The following C8orf34 variants were observed in gnomAD, a reference collection of about 807,000 sequenced individuals.
C8orf34 encodes the protein chromosome 8 open reading frame 34.
A neutral mutation model predicts 68.3 loss-of-function variants in C8orf34; 65 were observed. That is an observed-to-expected ratio of 0.95 (90% CI 0.78 to 1.17). The LOEUF is 1.17. Ranked by LOEUF, C8orf34 falls within the 50% of genes most tolerant of loss-of-function variation. The pLI, the probability that C8orf34 is intolerant of heterozygous loss-of-function variation, is 0.00. For synonymous variants in C8orf34, 244 were observed against 241.2 expected (o/e 1.01, Z -0.11); for missense variants, 664 against 655.4 (o/e 1.01, Z -0.14).
intron 1 of C8orf34, among the ~76,000 whole-genome samples, chr8:68,419,840 A>T (rs1469189776): frequency 3.7e-5 from 2 of 54,338 alleles, no homozygotes; most frequent in East Asian, 1.2e-3. Flanking sequence ...GGGTGGGGGA[A>T]GGGGGGAGGG....
intron 10 of C8orf34, among the ~76,000 whole-genome samples, chr8:68,733,914 A>G (rs948081376): frequency 3.3e-5 from 5 of 152,298 alleles, no homozygotes; most frequent in South Asian, 2.1e-4. Flanking sequence ...CGATGTCACA[A>G]CTACAAAAAT....
intron 7 of C8orf34, among the ~76,000 whole-genome samples, chr8:68,622,927 G>C (rs112753609): frequency 6.6e-6 from 1 of 152,204 alleles, no homozygotes; most frequent in Non-Finnish European, 1.5e-5. Flanking sequence ...TATCATTTGT[G>C]ATGGGGTATC....
chr8:68,794,492 T>A (rs866860001), intron 12 of C8orf34, among the ~76,000 whole-genome samples: 2 of 90,868 alleles, frequency 2.2e-5, no homozygotes, highest in African/African-American at 1.4e-4. Context: ...AATATATATA[T>A]ATATATATAT....
chr8:68,602,964 G>C (rs55685507), intron 7 of C8orf34, among the ~76,000 whole-genome samples: 2,358 of 152,148 alleles, frequency 0.015, 26 homozygotes, highest in Non-Finnish European at 0.025. Flanking sequence ...TCCACATGTT[G>C]GCAGTTCTGG....
intron 7 of C8orf34, among the ~76,000 whole-genome samples, chr8:68,610,861 G>GTTTTTTTTTTTTTTTTTTTTTTTT (rs60113883): frequency 8.3e-6 from 1 of 120,476 alleles, no homozygotes; most frequent in African/African-American, 3.5e-5. Flanking sequence ...TGAATCTTTG[G>GTTTTTTTTTTTTTTTTTTTTTTTT]TTTTTTTTTT....
Position 68,533,120 on chromosome 8 carries a change from A to T in C8orf34, c.1076A>T (p.Asp359Val), listed in dbSNP as rs767672971. 6.3e-7 allele frequency: 1 copy of T among 1,599,656 alleles called. No homozygotes were observed. The highest frequency in any genetic ancestry group is 8.5e-7 in the Non-Finnish European group (1 of 1,175,404). The change falls in exon 7 of 14, where the codon GAT becomes GTT. Residue 359 changes from aspartate to valine, a missense_variant. Physicochemically the swap from Asp to Val is radical, Grantham distance 152 (BLOSUM62 -3). Transcript: ENST00000518698. ...CCATCTGTAACAGAAGAAGATATTG[A>T]TAATGAAGATGATGCAATGGAATTG... is the stretch of plus-strand genomic sequence containing the variant. ...PTPSVTEEDI[D>V]NEDDAMELLE...
intron 10 of C8orf34, among the ~76,000 whole-genome samples, chr8:68,773,668 G>C (rs1049214215): frequency 6.6e-6 from 1 of 152,068 alleles, no homozygotes; most frequent in Non-Finnish European, 1.5e-5. Flanking sequence ...TTACAGGTGT[G>C]AGCCGCCACA....
intron 7 of C8orf34, among the ~76,000 whole-genome samples, chr8:68,607,432 T>C (rs1817888116): frequency 6.6e-6 from 1 of 152,016 alleles, no homozygotes; most frequent in African/African-American, 2.4e-5. Context: ...CTTTACATGG[T>C]GTTCTCTCTG....
At chr8:68,810,784 T>G (rs574983087) in intron 12 of C8orf34, among the ~76,000 whole-genome samples, 2 of 152,184 alleles carry the variant, frequency 1.3e-5, no homozygotes, top group South Asian at 2.1e-4. Flanking sequence ...AGACCCACAG[T>G]GGGTAGCTCC....
intron 7 of C8orf34, among the ~76,000 whole-genome samples, chr8:68,557,073 T>C (rs951951679): frequency 1.3e-5 from 2 of 152,214 alleles, no homozygotes; most frequent in African/African-American, 2.4e-5. Context: ...ATGTATTTTA[T>C]TGAATTTTGG....
chr8:68,369,991 T>C (rs1807489034), intron 1 of C8orf34, among the ~76,000 whole-genome samples: 1 of 152,118 alleles, frequency 6.6e-6, no homozygotes, highest in Admixed American at 6.5e-5. Context: ...ATAGAATGCC[T>C]CCAAAATCCA....
Position 68,446,471 on chromosome 8 carries a change from C to G in C8orf34, c.607+11C>G. 1.2e-6 allele frequency: 2 copies of G among 1,607,054 alleles called. No individual in the cohort carries two copies. Among genetic ancestry groups the G allele is most frequent in the Non-Finnish European group, 1.7e-6 (2 of 1,177,636 alleles). ...CGGACTCCAAATCATGTAAGGAAGTCTCTTATTCAAATGCTATTCAAAGCA... is the reference window on the plus strand; with the variant it reads ...CGGACTCCAAATCATGTAAGGAAGTGTCTTATTCAAATGCTATTCAAAGCA... On this transcript the variant is annotated intron_variant, in intron 3 of 13. Transcript: ENST00000518698.
intron 1 of C8orf34, among the ~76,000 whole-genome samples, chr8:68,414,760 C>A (rs947775444): frequency 6.6e-6 from 1 of 152,080 alleles, no homozygotes; most frequent in African/African-American, 2.4e-5. Flanking sequence ...TGAAGATGAT[C>A]AGAGTTATGT....
chr8:68,508,685 C>G (rs1269583454), intron 5 of C8orf34, among the ~76,000 whole-genome samples: 1 of 152,042 alleles, frequency 6.6e-6, no homozygotes, highest in Non-Finnish European at 1.5e-5. Flanking sequence ...TCAGTCTGTT[C>G]CAAATGTTTT....
intron 8 of C8orf34, among the ~76,000 whole-genome samples, chr8:68,689,544 G>A (rs568797920): frequency 2.5e-4 from 38 of 152,130 alleles, no homozygotes; most frequent in African/African-American, 9.1e-4. Context: ...CTGAAGTATG[G>A]TATATCATTC....
intron 12 of C8orf34, among the ~76,000 whole-genome samples, chr8:68,810,673 T>C (rs1824622989): frequency 1.3e-5 from 2 of 152,000 alleles, no homozygotes; most frequent in Admixed American, 1.3e-4. Context: ...GGTCAAGAAG[T>C]GCTTTATGGA....
At chr8:68,666,785 T>C (rs1163721230) in intron 8 of C8orf34, among the ~76,000 whole-genome samples, 1 of 152,194 alleles carries the variant, frequency 6.6e-6, no homozygotes, top group Non-Finnish European at 1.5e-5. Context: ...AAAAAATGAA[T>C]TGATTTTTCC....
At position 68,421,276 on chromosome 8, in the gene C8orf34, A is replaced by G. The variant is rs186555978; in HGVS notation, c.328-18223A>G. ...CTGAAATCTAGAAAGAAGAAGGTAGACTGACTAGAAAGAATAACTATGTGA... is the reference window on the plus strand; with the variant it reads ...CTGAAATCTAGAAAGAAGAAGGTAGGCTGACTAGAAAGAATAACTATGTGA... On this transcript the variant is annotated intron_variant, in intron 1 of 13. Transcript: ENST00000518698. Among the ~76,000 whole-genome samples, 240 of 152,330 alleles carry G rather than the reference A, an allele frequency of 1.6e-3. 1 individual carries two copies. The highest frequency in any genetic ancestry group is 2.9e-3 in the Admixed American group (45 of 15,298).
chr8:68,634,046 G>C (rs1364135686), intron 7 of C8orf34, among the ~76,000 whole-genome samples: 1 of 152,060 alleles, frequency 6.6e-6, no homozygotes, highest in Non-Finnish European at 1.5e-5. Context: ...AAAAACAGAG[G>C]CAATCACTTA....
Sources: allele counts gnomAD v4.1 joint callset (sites outside exome capture counted in the v4.1 genomes callset), GRCh38; gene constraint gnomAD v4.1.1; transcripts MANE v1.5; gene names NCBI Gene and HGNC (gene_info 2026-07-23, HGNC 2026-07-21).